The following SORBS2 variants were observed in gnomAD, a reference collection of about 807,000 sequenced individuals.
SORBS2 encodes sorbin and SH3 domain-containing protein 2.
SORBS2 carries 46 observed loss-of-function variants against 97.7 expected under a neutral mutation model. The observed-to-expected ratio is 0.47, with a 90% CI of 0.37 to 0.60. SORBS2 has a LOEUF of 0.60. Ranked by LOEUF, SORBS2 falls within the 20% of genes least tolerant of loss-of-function variation. The probability of loss-of-function intolerance (pLI) is 0.00; values close to 1 mark genes in which losing one functional copy is unlikely to be tolerated. For synonymous variants in SORBS2, 476 were observed against 473.4 expected (o/e 1.01, Z -0.07); for missense variants, 1,316 against 1,282.3 (o/e 1.03, Z -0.40).
Position 185,626,827 on chromosome 4 carries a change from C to G in SORBS2, c.634+5G>C. ...AATTGTTGTGTTTTCATTTACTATG[C>G]TCACCTTTTGCTCTTGATGGGGAAG... On this transcript the variant is annotated splice_donor_5th_base_variant and intron_variant, in intron 6 of 14. Transcript: ENST00000418609. 1 of 1,613,846 alleles carries G rather than the reference C, an allele frequency of 6.2e-7. No homozygotes were observed. Among genetic ancestry groups the G allele is most frequent in the Non-Finnish European group, 8.5e-7 (1 of 1,179,690 alleles).
chr4:185,797,257 T>C (rs1272767406), intron 1 of SORBS2, among the ~76,000 whole-genome samples: 1 of 152,178 alleles, frequency 6.6e-6, no homozygotes. Flanking sequence ...ACTGATTACA[T>C]CCCTCGCTCA....
At chr4:185,797,976 G>A (rs189266099) in intron 1 of SORBS2, among the ~76,000 whole-genome samples, 1 of 152,280 alleles carries the variant, frequency 6.6e-6, no homozygotes, top group Admixed American at 6.5e-5. Context: ...CACTTGTGAT[G>A]CTGCGGGATT....
At chr4:185,739,521 C>T (rs992030270) in intron 2 of SORBS2, among the ~76,000 whole-genome samples, 2 of 152,112 alleles carry the variant, frequency 1.3e-5, no homozygotes, top group African/African-American at 4.8e-5. Flanking sequence ...GATGTTATTG[C>T]TAGTTTGCAG....
intron 6 of SORBS2, among the ~76,000 whole-genome samples, chr4:185,625,111 A>G (rs750628563): frequency 1.3e-5 from 2 of 152,316 alleles, no homozygotes; most frequent in Middle Eastern, 3.4e-3. Context: ...ACATTTTTCT[A>G]GAAAAAAATA....
At chr4:185,640,917 T>C (rs1581603754) in intron 4 of SORBS2, among the ~76,000 whole-genome samples, 1 of 152,194 alleles carries the variant, frequency 6.6e-6, no homozygotes, top group East Asian at 1.9e-4. Context: ...TATTATAACT[T>C]CTGTTTTCAA....
At chr4:185,631,835 G>A (rs980683880) in intron 4 of SORBS2, among the ~76,000 whole-genome samples, 1 of 152,116 alleles carries the variant, frequency 6.6e-6, no homozygotes, top group African/African-American at 2.4e-5. Flanking sequence ...AGAAAGTATA[G>A]GGAGATGTAT....
chr4:185,659,553 A>G (rs2097479163), upstream of SORBS2, among the ~76,000 whole-genome samples: 1 of 151,298 alleles, frequency 6.6e-6, no homozygotes, highest in African/African-American at 2.4e-5. Flanking sequence ...AGTAGCTGGG[A>G]CTACAGGTGC....
chr4:185,666,595 C>T (rs575103262), intron 4 of SORBS2, among the ~76,000 whole-genome samples: 1 of 152,310 alleles, frequency 6.6e-6, no homozygotes, highest in African/African-American at 2.4e-5. Context: ...TAATTGCCTC[C>T]CCCTTGCCAA....
At chr4:185,814,615 C>T (rs1561198228) in intron 1 of SORBS2, among the ~76,000 whole-genome samples, 1 of 152,034 alleles carries the variant, frequency 6.6e-6, no homozygotes, top group African/African-American at 2.4e-5. Context: ...ATTTCAAAGG[C>T]CTTCATCCTT....
chr4:185,589,617 A>C, intron 14 of SORBS2, 62 bp downstream of exon 26: 1 of 889,544 alleles, frequency 1.1e-6, no homozygotes, highest in Non-Finnish European at 1.9e-6. Context: ...AAACCACGGG[A>C]GTGAGCAAAC....
chr4:185,948,189 T>A (rs2099275451), intron 1 of SORBS2, among the ~76,000 whole-genome samples: 1 of 152,206 alleles, frequency 6.6e-6, no homozygotes, highest in Non-Finnish European at 1.5e-5. Flanking sequence ...TCAGGCCATC[T>A]AGCTTACCTG....
At chr4:185,710,574 T>C (rs1166560798) in intron 2 of SORBS2, among the ~76,000 whole-genome samples, 1 of 152,248 alleles carries the variant, frequency 6.6e-6, no homozygotes, top group African/African-American at 2.4e-5. Flanking sequence ...AGTTTTTTCT[T>C]TCCTACATGC....
intron 1 of SORBS2, among the ~76,000 whole-genome samples, chr4:185,655,246 A>T (rs1286147435): frequency 6.6e-6 from 1 of 152,252 alleles, no homozygotes; most frequent in Non-Finnish European, 1.5e-5. Flanking sequence ...GGATGACTTT[A>T]CAAAATTCTG....
chr4:185,927,249 A>T (rs189553552), intron 1 of SORBS2, among the ~76,000 whole-genome samples: 11 of 151,278 alleles, frequency 7.3e-5, no homozygotes, highest in African/African-American at 2.4e-4. Context: ...CTTATAAAAA[A>T]ATTTTGAGCA....
chr4:185,708,125 T>C lies in SORBS2; in HGVS notation c.-197-29303A>G, dbSNP rs140934692. ...GGGTGACCCTCATAAAATCAGATCATGAATTTAAGGCAGAGCCGACTTGGG... is the reference window on the plus strand; with the variant it reads ...GGGTGACCCTCATAAAATCAGATCACGAATTTAAGGCAGAGCCGACTTGGG... On this transcript the variant is annotated intron_variant, in intron 2 of 20. Coordinates refer to the SORBS2 transcript ENST00000284776. Among the ~76,000 whole-genome samples the C allele has an allele frequency of 1.9e-3, 292 of 152,284 alleles. 1 individual carries two copies. The highest frequency in any genetic ancestry group is 6.4e-3 in the African/African-American group (267 of 41,556).
intron 2 of SORBS2, 32 bp downstream of exon 10, chr4:185,652,630 G>T: frequency 6.4e-7 from 1 of 1,572,926 alleles, no homozygotes; most frequent in African/African-American, 1.3e-5. Flanking sequence ...AACCCACAAG[G>T]ACCTCATCAG....
chr4:185,733,917 G>C (rs2098663772), intron 2 of SORBS2, 182 bp downstream of exon 3: 1 of 152,330 alleles, frequency 6.6e-6, no homozygotes, highest in Non-Finnish European at 1.5e-5. Context: ...GCTGCTGGGA[G>C]TGGCACGTAC....
intron 12 of SORBS2, among the ~76,000 whole-genome samples, chr4:185,596,954 G>A (rs546034236): frequency 1.3e-5 from 2 of 152,216 alleles, no homozygotes; most frequent in East Asian, 3.9e-4. Flanking sequence ...CCTGAGGCCA[G>A]AATCAATCAA....
intron 1 of SORBS2, among the ~76,000 whole-genome samples, chr4:185,860,948 C>T (rs963530310): frequency 3.9e-5 from 6 of 152,318 alleles, no homozygotes; most frequent in African/African-American, 1.4e-4. Flanking sequence ...AGACTCTTAG[C>T]TTATTCTCTC....
Sources: allele counts gnomAD v4.1 joint callset (sites outside exome capture counted in the v4.1 genomes callset), GRCh38; gene constraint gnomAD v4.1.1; transcripts MANE v1.5; gene names NCBI Gene and HGNC (gene_info 2026-07-23, HGNC 2026-07-21).